RASA1: variants seen among roughly 807,000 people sequenced by gnomAD.
RASA1 encodes the protein RAS p21 protein activator 1, also known as ras GTPase-activating protein 1.
In RASA1, 25 loss-of-function variants were observed where a neutral mutation model predicts 132.2. The observed-to-expected ratio is 0.19, with a 90% CI of 0.14 to 0.26. The LOEUF (loss-of-function observed/expected upper bound fraction) is 0.26, where lower values mean the gene tolerates loss of function less well. Among genes scored for constraint, RASA1 ranks in the 10% least tolerant of loss-of-function variants. The pLI is 1.00. For synonymous variants in RASA1, 477 were observed against 449.9 expected, an observed-to-expected ratio of 1.06 and a Z score of -0.76; for missense variants, 964 against 1,299.2, an observed-to-expected ratio of 0.74 and a Z score of 3.97.
At chr5:87,299,781 G>A (rs1755280589) in intron 1 of RASA1, 1 of 152,030 alleles carries the variant, frequency 6.6e-6, no homozygotes, top group South Asian at 2.1e-4. Context: ...TAGTATATGT[G>A]CTGCAGAAGT....
intron 6 of RASA1, among the ~76,000 whole-genome samples, chr5:87,344,707 TG>T (rs1171280985): frequency 4.8e-5 from 7 of 146,256 alleles, no homozygotes; most frequent in Non-Finnish European, 7.5e-5. Flanking sequence ...TTTGTAAAGA[TG>T]AGGTCTTACT....
At chr5:87,384,874 T>C (rs772590890) in intron 21 of RASA1, among the ~76,000 whole-genome samples, 1 of 152,104 alleles carries the variant, frequency 6.6e-6, no homozygotes, top group Non-Finnish European at 1.5e-5. Context: ...AGCGAATTAT[T>C]TGGACTGCAA....
At chr5:87,306,906 T>A (rs1302567164) in intron 1 of RASA1, among the ~76,000 whole-genome samples, 1 of 152,154 alleles carries the variant, frequency 6.6e-6, no homozygotes, top group Admixed American at 6.5e-5. Context: ...TCACCCAGAC[T>A]GGAGTGCAAT....
At position 87,371,158 on chromosome 5, in the gene RASA1, T is replaced by C. The variant is rs73156396; in HGVS notation, c.1699-960T>C. On this transcript the variant is annotated intron_variant, in intron 12 of 24. Transcript: ENST00000274376. ...TACCATAATGACATTTCAGCATGTT[T>C]TGCAAGCCTAACATAGAACATTTTT... Among the ~76,000 whole-genome samples, 1,121 of 152,246 alleles carry C rather than the reference T, an allele frequency of 7.4e-3. 13 individuals are homozygous for C. Among genetic ancestry groups the C allele is most frequent in the African/African-American group, 0.026 (1,076 of 41,548 alleles).
chr5:87,300,033 A>G (rs1367154178), intron 1 of RASA1, among the ~76,000 whole-genome samples: 1 of 152,154 alleles, frequency 6.6e-6, no homozygotes, highest in African/African-American at 2.4e-5. Flanking sequence ...AGGGATGACC[A>G]ATAAAACAAG....
At chr5:87,338,532 TAAA>T (rs372828519) in intron 5 of RASA1, among the ~76,000 whole-genome samples, 1,747 of 59,554 alleles carry the variant, frequency 0.029, 126 homozygotes, top group African/African-American at 0.07. Context: ...TATATATATA[TAAA>T]ATTTTTTTTT....
rs58608280 is a variant in RASA1 at position 87,283,899 on chromosome 5, C to T, written c.539+14909C>T. ...AATACAGTGTTTATTTTGGGTAGTT[C>T]AGTATTTATGGATATTCATGTACTT... On this transcript the variant is annotated intron_variant, in intron 1 of 24. Transcript: ENST00000274376. Among the ~76,000 whole-genome samples the T allele has an allele frequency of 1.7e-3, 258 of 152,180 alleles. 1 individual carries two copies. In the Middle Eastern group the frequency reaches 0.017, roughly 10 times the overall value.
chr5:87,284,848 T>G (rs1039613376), intron 1 of RASA1, among the ~76,000 whole-genome samples: 4 of 152,144 alleles, frequency 2.6e-5, no homozygotes, highest in African/African-American at 7.2e-5. Flanking sequence ...GTATGGTCAT[T>G]GAGATCAAAA....
intron 6 of RASA1, 32 bp from the exon 7 acceptor site, chr5:87,346,640 T>G: frequency 7.1e-7 from 1 of 1,412,962 alleles, no homozygotes; most frequent in East Asian, 2.3e-5. Flanking sequence ...AAAAGGACTT[T>G]ATTTATATAT....
chr5:87,328,214 G>C (rs1757371685), intron 1 of RASA1, among the ~76,000 whole-genome samples: 2 of 152,120 alleles, frequency 1.3e-5, no homozygotes, highest in African/African-American at 4.8e-5. Flanking sequence ...CTTTAACTTA[G>C]ATGATGAGCT....
chr5:87,310,265 A>AATTCC (rs1471728147), intron 1 of RASA1, among the ~76,000 whole-genome samples: 2 of 152,302 alleles, frequency 1.3e-5, no homozygotes, highest in African/African-American at 4.8e-5. Flanking sequence ...TTTAAAAAAG[A>AATTCC]ATTCCATAGA....
intron 5 of RASA1, among the ~76,000 whole-genome samples, chr5:87,339,615 C>T (rs2112393251): frequency 6.6e-6 from 1 of 152,084 alleles, no homozygotes; most frequent in South Asian, 2.1e-4. Flanking sequence ...GAAAATTACT[C>T]AATGTATACA....
chr5:87,356,383 ATTT>A (rs11409141), intron 9 of RASA1, among the ~76,000 whole-genome samples: 1 of 141,708 alleles, frequency 7.1e-6, no homozygotes, highest in African/African-American at 2.6e-5. Context: ...GATGATTGTT[ATTT>A]TTTTTTTTTT....
intron 19 of RASA1, 125 bp from the exon 20 acceptor site, chr5:87,380,384 C>T (rs1761624859): frequency 1.1e-6 from 1 of 879,982 alleles, no homozygotes; most frequent in Non-Finnish European, 1.9e-6. Context: ...TGGCAAAATA[C>T]TTTTTTGGGT....
At chr5:87,273,413 GTTAAA>G (rs1561248135) in intron 1 of RASA1, among the ~76,000 whole-genome samples, 2 of 152,088 alleles carry the variant, frequency 1.3e-5, no homozygotes, top group African/African-American at 4.8e-5. Flanking sequence ...GAGAGAAAAG[GTTAAA>G]TTAAAGAAGT....
At chr5:87,314,378 A>G (rs1756156968) in intron 1 of RASA1, among the ~76,000 whole-genome samples, 1 of 152,146 alleles carries the variant, frequency 6.6e-6, no homozygotes, top group Admixed American at 6.5e-5. Flanking sequence ...AGATAATATT[A>G]TAGATGTATA....
chr5:87,276,427 T>C (rs945583172), intron 1 of RASA1, among the ~76,000 whole-genome samples: 13 of 152,202 alleles, frequency 8.5e-5, no homozygotes, highest in African/African-American at 3.1e-4. Flanking sequence ...ACTATGTATG[T>C]CTTGTCACAT....
At chr5:87,356,383 A>G (rs1047547989) in intron 9 of RASA1, among the ~76,000 whole-genome samples, 1 of 141,722 alleles carries the variant, frequency 7.1e-6, no homozygotes, top group East Asian at 2.1e-4. Context: ...GATGATTGTT[A>G]TTTTTTTTTT....
intron 18 of RASA1, 125 bp downstream of exon 18, chr5:87,378,663 C>T: frequency 2.0e-6 from 2 of 988,156 alleles, no homozygotes; most frequent in Non-Finnish European, 3.0e-6. Flanking sequence ...ATAGCAGTTA[C>T]ACCTGTCTGT....
Sources: gnomAD v4.1 joint callset for allele counts (sites outside exome capture counted in the v4.1 genomes callset) on GRCh38, gnomAD v4.1.1 for gene constraint, MANE v1.5 for transcripts, NCBI Gene and HGNC (gene_info 2026-07-23, HGNC 2026-07-21) for gene names.